The following LMF1 variants were observed in gnomAD, a reference collection of about 807,000 sequenced individuals.
LMF1 encodes the protein lipase maturation factor 1.
In LMF1, 68 loss-of-function variants were observed where a neutral mutation model predicts 60.6. The ratio of observed to expected loss-of-function variants is 1.12; its 90% CI spans 0.92 to 1.37. The LOEUF (loss-of-function observed/expected upper bound fraction) is 1.37, where lower values mean the gene tolerates loss of function less well. Among genes scored for constraint, LMF1 ranks in the 40% most tolerant of loss-of-function variants. LMF1 has a pLI of 0.00. For synonymous variants in LMF1, 418 were observed against 324.7 expected (o/e 1.29, Z -3.09); for missense variants, 948 against 767.2 (o/e 1.24, Z -2.78).
chr16:888,744 G>A (rs1007580600), intron 5 of LMF1, among the ~76,000 whole-genome samples: 1 of 146,086 alleles, frequency 6.8e-6, no homozygotes, highest in Non-Finnish European at 1.5e-5. Context: ...ACTGGGGGGG[G>A]TCCTAGGTAC....
chr16:878,233 C>T lies in LMF1; in HGVS notation c.897+1337G>A, dbSNP rs1240656256. Among the ~76,000 whole-genome samples the T allele has an allele frequency of 2.0e-5, 3 of 152,088 alleles. No individual in the cohort carries two copies. The highest frequency in any genetic ancestry group is 6.5e-5 in the Admixed American group (1 of 15,272). ...GAAACGTGCGGTCCTGGCTGGGGGA[C>T]GATCTGTGAGCAAGTCCGTTCTTCC... On this transcript the variant is annotated intron_variant, in intron 6 of 10. Transcript: ENST00000262301. The surrounding 1 kb of genome is among the most constrained non-coding windows in gnomAD (Gnocchi z 5.2).
At chr16:921,652 C>T (rs186219364) in intron 3 of LMF1, among the ~76,000 whole-genome samples, 61 of 152,178 alleles carry the variant, frequency 4.0e-4, no homozygotes, top group African/African-American at 1.2e-3. Flanking sequence ...GAGGGAAAGA[C>T]GCAGTGTGCG....
chr16:926,663 C>T (rs142370903), intron 3 of LMF1, among the ~76,000 whole-genome samples: 5 of 152,352 alleles, frequency 3.3e-5, no homozygotes, highest in South Asian at 2.1e-4. Context: ...ACCAAAGCTG[C>T]GCACGCACAT....
At chr16:926,252 C>G (rs976687249) in intron 3 of LMF1, among the ~76,000 whole-genome samples, 1 of 150,278 alleles carries the variant, frequency 6.7e-6, no homozygotes, top group African/African-American at 2.5e-5. Context: ...ATACGTATGT[C>G]TGTGTGTGCA....
At chr16:931,814 T>A (rs531734200) in intron 3 of LMF1, 19 of 1,278,042 alleles carry the variant, frequency 1.5e-5, no homozygotes, top group Middle Eastern at 6.6e-4. Flanking sequence ...AGACACAACA[T>A]GAAACTCAGG....
chr16:907,418 A>G (rs2070998629), intron 4 of LMF1, among the ~76,000 whole-genome samples: 2 of 151,728 alleles, frequency 1.3e-5, no homozygotes, highest in East Asian at 1.9e-4. Context: ...AAAAAAAAAA[A>G]GAAATACAAC....
intron 2 of LMF1, among the ~76,000 whole-genome samples, chr16:935,571 T>A (rs1410967865): frequency 1.4e-5 from 2 of 142,394 alleles, no homozygotes; most frequent in African/African-American, 2.6e-5. Flanking sequence ...GCTGATGAGC[T>A]AAAAAAAAAA....
At chr16:887,886 G>T (rs2070357098) in intron 5 of LMF1, among the ~76,000 whole-genome samples, 1 of 152,184 alleles carries the variant, frequency 6.6e-6, no homozygotes, top group South Asian at 2.1e-4. Context: ...CCCCCAAGTT[G>T]CAGGCTGCCG....
At chr16:964,718 A>G (rs1402797723) in intron 1 of LMF1, among the ~76,000 whole-genome samples, 1 of 152,198 alleles carries the variant, frequency 6.6e-6, no homozygotes, top group Non-Finnish European at 1.5e-5. Context: ...TTTCTGAAGA[A>G]CAGCTGAGAG....
At chr16:950,051 C>T (rs1487354208) in intron 2 of LMF1, among the ~76,000 whole-genome samples, 7 of 112,344 alleles carry the variant, frequency 6.2e-5, no homozygotes, top group Middle Eastern at 5.9e-3. Flanking sequence ...TCAGAGCCAA[C>T]GACAGAGTCA....
At chr16:953,372 A>G in intron 2 of LMF1, among the ~76,000 whole-genome samples, 1 of 89,250 alleles carries the variant, frequency 1.1e-5, no homozygotes, top group East Asian at 2.8e-4. Flanking sequence ...CGGACCCCAA[A>G]CCAGCCTCCT....
intron 2 of LMF1, 73 bp downstream of exon 2, chr16:954,284 C>A (rs763746907): frequency 4.2e-6 from 6 of 1,425,466 alleles, no homozygotes; most frequent in Non-Finnish European, 5.8e-6. Context: ...TTTCCAAGTG[C>A]CAGGACACCT....
intron 3 of LMF1, chr16:934,043 G>T: frequency 6.6e-7 from 1 of 1,510,546 alleles, no homozygotes; most frequent in Non-Finnish European, 8.8e-7. Context: ...GGTGCCCGGG[G>T]CCTGGAAGCC....
In LMF1 at chr16:897,423, C is replaced by T. The variant is rs2070696831; in HGVS notation, c.664-4351G>A. ...TGAGGAGGGGGCGCCGCCAGGCCTC[C>T]CTCCGAGCCACAACCTCCTCCATCC... On this transcript the variant is annotated intron_variant, in intron 4 of 10. Coordinates refer to ENST00000262301, the MANE Select transcript of LMF1 (RefSeq NM_022773.4). The surrounding 1 kb of genome is among the most constrained non-coding windows in gnomAD (Gnocchi z 4.3). Among the ~76,000 whole-genome samples, 1 of 152,166 alleles carries T rather than the reference C, an allele frequency of 6.6e-6. No homozygotes were observed. Among genetic ancestry groups the T allele is most frequent in the Admixed American group, 6.5e-5 (1 of 15,278 alleles).
chr16:954,337 G>A lies in LMF1; in HGVS notation c.503+20C>T, dbSNP rs115224133. 778 of 1,607,288 alleles carry A rather than the reference G, an allele frequency of 4.8e-4. 5 individuals are homozygous for A. The African/African-American group carries it at 8.1e-3, about 17-fold the overall frequency. On this transcript the variant is annotated intron_variant, in intron 2 of 10. Transcript: ENST00000262301. ...TGACAGCAAGCCCTAAGCTCCGACC[G>A]CCCCATTCCTGCTACTCACCAGACA...
At chr16:883,351 G>A (rs1329438374) in intron 5 of LMF1, among the ~76,000 whole-genome samples, 4 of 152,114 alleles carry the variant, frequency 2.6e-5, no homozygotes, top group African/African-American at 9.7e-5. Context: ...CCCATCACAG[G>A]ACCAGGAGAA....
chr16:858,576 T>A (rs111164721), intron 10 of LMF1, among the ~76,000 whole-genome samples: 5 of 40,312 alleles, frequency 1.2e-4, no homozygotes, highest in East Asian at 1.6e-3. Flanking sequence ...GAGTGGTGTC[T>A]CGGGACGGGT....
At chr16:938,461 A>G (rs965848947) in intron 2 of LMF1, among the ~76,000 whole-genome samples, 3 of 152,228 alleles carry the variant, frequency 2.0e-5, no homozygotes, top group African/African-American at 7.2e-5. Context: ...GTGGGGCTGG[A>G]CCACACATAC....
chr16:970,033 C>G (rs930487861), intron 1 of LMF1, among the ~76,000 whole-genome samples: 1 of 152,212 alleles, frequency 6.6e-6, no homozygotes, highest in Admixed American at 6.5e-5. Context: ...TGAAGGGTCT[C>G]CGCCAGTGGA....
Sources: gnomAD v4.1 joint callset for allele counts (sites outside exome capture counted in the v4.1 genomes callset) on GRCh38, gnomAD v4.1.1 for gene constraint, Gnocchi (gnomAD v3.1) non-coding constraint, MANE v1.5 for transcripts, NCBI Gene and HGNC (gene_info 2026-07-23, HGNC 2026-07-21) for gene names.